CNBD1: variants seen among roughly 807,000 people sequenced by gnomAD.
The protein encoded by CNBD1 is cyclic nucleotide binding domain containing 1.
CNBD1 carries 71 observed loss-of-function variants against 54.4 expected under a neutral mutation model. That is an observed-to-expected ratio of 1.30 (90% CI 1.08 to 1.59). The LOEUF (loss-of-function observed/expected upper bound fraction) is 1.59. Ranked by LOEUF, CNBD1 falls within the 40% of genes most tolerant of loss-of-function variation. The pLI is 0.00. For missense variants in CNBD1, 659 were observed against 518.0 expected, an observed-to-expected ratio of 1.27 and a Z score of -2.64; for synonymous variants, 182 against 170.7, an observed-to-expected ratio of 1.07 and a Z score of -0.51.
intron 4 of CNBD1, among the ~76,000 whole-genome samples, chr8:87,116,043 G>A (rs143347386): frequency 5.0e-4 from 76 of 152,082 alleles, no homozygotes; most frequent in African/African-American, 1.8e-3. Flanking sequence ...TTGCTTCTGT[G>A]CATTTTCCTA....
chr8:86,956,084 G>A (rs1316018943), intron 4 of CNBD1, among the ~76,000 whole-genome samples: 2 of 152,058 alleles, frequency 1.3e-5, no homozygotes, highest in Non-Finnish European at 2.9e-5. Context: ...TTATTAAATA[G>A]GGAATCCTTT....
rs546952484 is a variant in CNBD1, at chr8:87,369,900, CCA to C, written c.1304-12719_1304-12718del. Among the ~76,000 whole-genome samples, 590 of 152,056 alleles carry C rather than the reference CCA, an allele frequency of 3.9e-3. 8 individuals carry two copies. The highest frequency in any genetic ancestry group is 0.013 in the African/African-American group (556 of 41,498). On this transcript the variant is annotated intron_variant, in intron 10 of 10. Transcript: ENST00000518476. ...CACTCCCCCGACCCCACAACAGTCCCCAGAGTGTGATGTTCCCCTTCCTGTGT... is the reference window on the plus strand; with the variant it reads ...CACTCCCCCGACCCCACAACAGTCCCGAGTGTGATGTTCCCCTTCCTGTGT...
chr8:87,225,168 A>G (rs533723689), intron 5 of CNBD1, among the ~76,000 whole-genome samples: 2,648 of 149,854 alleles, frequency 0.018, 73 homozygotes, highest in African/African-American at 0.061. Context: ...TTTTCTAGAT[A>G]TACAATCATG....
intron 6 of CNBD1, among the ~76,000 whole-genome samples, chr8:87,271,621 A>G (rs571490297): frequency 6.6e-6 from 1 of 151,960 alleles, no homozygotes; most frequent in Non-Finnish European, 1.5e-5. Flanking sequence ...GCTGTTGAGG[A>G]TGTGGAGAAA....
chr8:87,334,938 A>T (rs1185514213), intron 8 of CNBD1, among the ~76,000 whole-genome samples: 4 of 151,624 alleles, frequency 2.6e-5, no homozygotes, highest in African/African-American at 4.8e-5. Context: ...TTTGGCCAGG[A>T]TGGTCTCAGT....
chr8:87,289,384 G>T (rs968288685), intron 8 of CNBD1, among the ~76,000 whole-genome samples: 5 of 152,186 alleles, frequency 3.3e-5, no homozygotes, highest in African/African-American at 1.2e-4. Flanking sequence ...GGTGTGTCCA[G>T]TTTATATCAC....
At chr8:87,164,156 T>C (rs1812913395) in intron 4 of CNBD1, among the ~76,000 whole-genome samples, 1 of 151,952 alleles carries the variant, frequency 6.6e-6, no homozygotes, top group Admixed American at 6.6e-5. Flanking sequence ...CACTTAATTA[T>C]GTTTTGTGAT....
intron 3 of CNBD1, among the ~76,000 whole-genome samples, chr8:86,924,758 C>G (rs756757903): frequency 6.6e-5 from 10 of 151,900 alleles, no homozygotes; most frequent in Non-Finnish European, 1.5e-4. Flanking sequence ...TAAGATTATC[C>G]CAACTCTTTA....
chr8:87,058,382 A>G (rs1469355841), intron 4 of CNBD1, among the ~76,000 whole-genome samples: 1 of 152,108 alleles, frequency 6.6e-6, no homozygotes, highest in Non-Finnish European at 1.5e-5. Flanking sequence ...CCCTCTTCTC[A>G]CAGCTCCACT....
At chr8:87,343,207 A>C (rs1415119282) in intron 8 of CNBD1, among the ~76,000 whole-genome samples, 1 of 152,148 alleles carries the variant, frequency 6.6e-6, no homozygotes, top group Non-Finnish European at 1.5e-5. Flanking sequence ...GGAAAATTGC[A>C]GTTATTCCGT....
intron 4 of CNBD1, among the ~76,000 whole-genome samples, chr8:87,162,060 G>A (rs1274825022): frequency 1.3e-5 from 2 of 151,950 alleles, no homozygotes; most frequent in East Asian, 3.9e-4. Flanking sequence ...GACTCTTCAT[G>A]GAGTCCAGAG....
intron 4 of CNBD1, among the ~76,000 whole-genome samples, chr8:87,047,487 A>G (rs1334311424): frequency 6.6e-6 from 1 of 152,208 alleles, no homozygotes; most frequent in African/African-American, 2.4e-5. Context: ...GTCAAAGACT[A>G]AAAAGCATTC....
At chr8:86,947,716 G>A (rs1708659115) in intron 4 of CNBD1, among the ~76,000 whole-genome samples, 1 of 152,076 alleles carries the variant, frequency 6.6e-6, no homozygotes, top group Admixed American at 6.5e-5. Context: ...ATGACATCAT[G>A]GAGAATGGGG....
chr8:86,966,438 C>T lies in CNBD1; in HGVS notation c.431+26684C>T, dbSNP rs952754493. 4.6e-5 allele frequency among the ~76,000 whole-genome samples: 7 copies of T among 152,276 alleles called. No individual in the cohort carries two copies. The South Asian group carries it at 1.2e-3, about 27-fold the overall frequency. Reference sequence around the variant, plus strand: ...TTACAGTTCTTAAAGATGGTGTATCCGGAGTTTATTCCTTCAGATGTTCAG... The same window carrying T: ...TTACAGTTCTTAAAGATGGTGTATCTGGAGTTTATTCCTTCAGATGTTCAG... On this transcript the variant is annotated intron_variant, in intron 4 of 10. Transcript: ENST00000518476.
intron 3 of CNBD1, among the ~76,000 whole-genome samples, chr8:86,913,410 C>T (rs1011283355): frequency 1.3e-5 from 2 of 152,022 alleles, no homozygotes; most frequent in Non-Finnish European, 2.9e-5. Flanking sequence ...AACCTGCCCC[C>T]GATAATTCTT....
chr8:87,016,226 T>C (rs1313180945), intron 4 of CNBD1, among the ~76,000 whole-genome samples: 1 of 151,802 alleles, frequency 6.6e-6, no homozygotes, highest in African/African-American at 2.4e-5. Flanking sequence ...TCTCCAGTAA[T>C]TTAAAATTCT....
intron 3 of CNBD1, among the ~76,000 whole-genome samples, chr8:86,930,103 A>C (rs1809431028): frequency 6.6e-6 from 1 of 152,184 alleles, no homozygotes; most frequent in African/African-American, 2.4e-5. Flanking sequence ...ATTAGAGTAT[A>C]GAGTGGCCTG....
chr8:87,254,981 A>AT (rs200936203), intron 6 of CNBD1, among the ~76,000 whole-genome samples: 8 of 152,080 alleles, frequency 5.3e-5, no homozygotes, highest in South Asian at 2.1e-4. Context: ...CTATTCACTG[A>AT]TTTTTTTTAA....
chr8:87,091,687 T>A (rs1192335598), intron 4 of CNBD1, among the ~76,000 whole-genome samples: 1 of 152,116 alleles, frequency 6.6e-6, no homozygotes. Context: ...TAAATGTAAA[T>A]GATCAGGAAA....
Sources: gnomAD v4.1 joint callset for allele counts (sites outside exome capture counted in the v4.1 genomes callset) on GRCh38, gnomAD v4.1.1 for gene constraint, MANE v1.5 for transcripts, NCBI Gene and HGNC (gene_info 2026-07-23, HGNC 2026-07-21) for gene names.